ARID1B: variants seen among roughly 807,000 people sequenced by gnomAD.
ARID1B encodes the protein AT-rich interactive domain-containing protein 1B.
In ARID1B, 30 loss-of-function variants were observed where a neutral mutation model predicts 212.3. The observed-to-expected ratio is 0.14, with a 90% CI of 0.11 to 0.19. The LOEUF is 0.19. Ranked by LOEUF, ARID1B falls within the 10% of genes least tolerant of loss-of-function variation. ARID1B has a pLI of 1.00. For missense variants in ARID1B, 2,891 were observed against 3,204.0 expected (o/e 0.90, Z 2.36); for synonymous variants, 1,402 against 1,301.7 (o/e 1.08, Z -1.66).
chr6:157,037,109 G>A (rs1216824280), intron 4 of ARID1B, among the ~76,000 whole-genome samples: 1 of 152,154 alleles, frequency 6.6e-6, no homozygotes, highest in Non-Finnish European at 1.5e-5. Flanking sequence ...CAAGAGTTTC[G>A]TTTAGCAGTA....
chr6:156,934,900 T>G (rs1792036021), intron 3 of ARID1B, among the ~76,000 whole-genome samples: 3 of 125,612 alleles, frequency 2.4e-5, no homozygotes, highest in Admixed American at 1.7e-4. Flanking sequence ...TCATAATAAA[T>G]TTAGTTGTTA....
chr6:157,020,089 TAGAG>T (rs1353044883), intron 4 of ARID1B, among the ~76,000 whole-genome samples: 2 of 152,032 alleles, frequency 1.3e-5, no homozygotes, highest in African/African-American at 4.8e-5. Context: ...ACAAAGCTGT[TAGAG>T]GGATAGGAGA....
chr6:156,867,776 C>G (rs1026200829), intron 2 of ARID1B, among the ~76,000 whole-genome samples: 2 of 152,202 alleles, frequency 1.3e-5, no homozygotes, highest in African/African-American at 4.8e-5. Context: ...TCAAGCTGCT[C>G]TTCACATGCC....
At chr6:156,812,181 G>GT (rs1253218537) in intron 1 of ARID1B, among the ~76,000 whole-genome samples, 1 of 152,090 alleles carries the variant, frequency 6.6e-6, no homozygotes, top group East Asian at 1.9e-4. Context: ...GCTCAGGCTG[G>GT]TGTGTGGTGG....
At position 157,133,181 on chromosome 6, in the gene ARID1B, C is replaced by T. The variant is rs527698870; in HGVS notation, c.2735C>T (p.Pro912Leu). Residue 912 changes from proline to leucine, a missense_variant, in exon 7 of 20, where the codon CCA (proline) becomes CTA (leucine). Pro to Leu is a moderately conservative substitution (Grantham distance 98, BLOSUM62 -3). Coordinates refer to ENST00000636930, the MANE Select transcript of ARID1B (RefSeq NM_001374828.1). ...QQSNSSGTYGPQMSQYGPQGN... is the reference protein window; with the variant it reads ...QQSNSSGTYGLQMSQYGPQGN... ...AGTAACTCAAGTGGGACTTACGGTC[C>T]ACAGATGAGCCAGTATGGACCACAA... The T allele has an allele frequency of 6.2e-7, 1 of 1,612,888 alleles. No homozygotes were observed. The highest frequency in any genetic ancestry group is 8.5e-7 in the Non-Finnish European group (1 of 1,179,534).
chr6:157,177,320 G>A (rs1431186495), intron 11 of ARID1B, among the ~76,000 whole-genome samples: 1 of 152,228 alleles, frequency 6.6e-6, no homozygotes, highest in African/African-American at 2.4e-5. Context: ...GAGCAAAAGA[G>A]AGTATAATGA....
intron 13 of ARID1B, among the ~76,000 whole-genome samples, chr6:157,188,785 T>C (rs1188118514): frequency 6.6e-6 from 1 of 152,226 alleles, no homozygotes; most frequent in Non-Finnish European, 1.5e-5. Context: ...GAAACCAGTA[T>C]CTATTGATGA....
At position 157,206,283 on chromosome 6, in the gene ARID1B, C is replaced by T. The variant is rs145867693; in HGVS notation, c.5511C>T (p.Asn1837=). ...GDPSQKALDH[N]AARKDDSQSL... is the part of the protein sequence containing the mutation. ...CCAGCCAAAAAGCACTTGATCACAA[C>T]GCAGCAAGGAAGGATGACAGCCAGT... Residue 1837 remains asparagine, a synonymous_variant, in exon 20 of 20, where the codon AAC becomes AAT. Transcript: ENST00000636930. This position sits in a 1 kb window ranked among gnomAD's most constrained non-coding sequence, Gnocchi z 6.8. 126 of 1,614,098 alleles carry T rather than the reference C, an allele frequency of 7.8e-5. No individual in the cohort carries two copies. The highest frequency in any genetic ancestry group is 2.3e-4 in the African/African-American group (17 of 75,010).
At chr6:156,921,473 A>G (rs1300101460) in intron 3 of ARID1B, among the ~76,000 whole-genome samples, 2 of 149,712 alleles carry the variant, frequency 1.3e-5, no homozygotes, top group East Asian at 2.0e-4. Context: ...ACACACACAC[A>G]CACACACACA....
chr6:157,201,586 G>A lies in ARID1B; in HGVS notation c.5263+98G>A. 1 of 1,345,792 alleles carries A rather than the reference G, an allele frequency of 7.4e-7. No homozygotes were observed. The highest frequency in any genetic ancestry group is 9.9e-7 in the Non-Finnish European group (1 of 1,013,648). The allele number at this position is 1,345,792 out of a possible 1,614,324, so 83.4% of individuals were successfully genotyped here. On this transcript the variant is annotated intron_variant, in intron 18 of 19. Coordinates refer to ENST00000636930, the MANE Select transcript of ARID1B (RefSeq NM_001374828.1). The surrounding 1 kb of genome is among the most constrained non-coding windows in gnomAD (Gnocchi z 5.2). Reference sequence around the variant, plus strand: ...CTGTTCCTGCTCATCTTAAAGGGATGAAAAAATTATGACTAGAAGTTATCA... The same window carrying A: ...CTGTTCCTGCTCATCTTAAAGGGATAAAAAAATTATGACTAGAAGTTATCA...
intron 1 of ARID1B, among the ~76,000 whole-genome samples, chr6:156,818,330 A>G (rs1782121001): frequency 6.6e-6 from 1 of 152,110 alleles, no homozygotes; most frequent in African/African-American, 2.4e-5. Context: ...GTCCCAAGAT[A>G]GGTAAGTCAG....
intron 7 of ARID1B, among the ~76,000 whole-genome samples, chr6:157,143,027 T>C (rs1209284225): frequency 6.6e-6 from 1 of 152,226 alleles, no homozygotes; most frequent in African/African-American, 2.4e-5. Flanking sequence ...ATAGAAATTT[T>C]TGTGATCTGC....
intron 3 of ARID1B, among the ~76,000 whole-genome samples, chr6:156,924,955 A>G (rs12179146): frequency 6.6e-6 from 1 of 152,202 alleles, no homozygotes; most frequent in African/African-American, 2.4e-5. Flanking sequence ...TAGGAAAATT[A>G]ATTTTAGGCA....
intron 4 of ARID1B, among the ~76,000 whole-genome samples, chr6:157,038,798 G>A (rs1169968628): frequency 1.3e-5 from 2 of 152,142 alleles, no homozygotes; most frequent in African/African-American, 4.8e-5. Flanking sequence ...TGAGTATGCA[G>A]CAACGTTATA....
chr6:157,154,442 G>A (rs943088725), intron 8 of ARID1B, among the ~76,000 whole-genome samples: 1 of 151,804 alleles, frequency 6.6e-6, no homozygotes, highest in African/African-American at 2.4e-5. Flanking sequence ...GGTTTTAGAC[G>A]TTACCCAGCC....
chr6:156,990,437 T>G, intron 4 of ARID1B, among the ~76,000 whole-genome samples: 1 of 151,898 alleles, frequency 6.6e-6, no homozygotes, highest in Non-Finnish European at 1.5e-5. Flanking sequence ...GGTCAGGAGA[T>G]CAAGACCCTC....
intron 2 of ARID1B, among the ~76,000 whole-genome samples, chr6:156,847,639 C>G (rs1475874883): frequency 2.0e-5 from 3 of 152,028 alleles, no homozygotes; most frequent in Admixed American, 2.0e-4. Context: ...TGAAGATGAT[C>G]CTAGTGTTGT....
chr6:156,854,593 T>G (rs1287678408), intron 2 of ARID1B, among the ~76,000 whole-genome samples: 4 of 152,240 alleles, frequency 2.6e-5, no homozygotes, highest in Non-Finnish European at 5.9e-5. Context: ...GTCTCAGGAC[T>G]GAGGAAGTGT....
chr6:157,007,291 C>T (rs1243714020), intron 4 of ARID1B, among the ~76,000 whole-genome samples: 1 of 152,052 alleles, frequency 6.6e-6, no homozygotes, highest in Non-Finnish European at 1.5e-5. Context: ...AGGAATTTCC[C>T]CTAGTTTTCT....
Sources: gnomAD v4.1 joint callset for allele counts (sites outside exome capture counted in the v4.1 genomes callset) on GRCh38, gnomAD v4.1.1 for gene constraint, Gnocchi (gnomAD v3.1) non-coding constraint, MANE v1.5 for transcripts, NCBI Gene and HGNC (gene_info 2026-07-23, HGNC 2026-07-21) for gene names.